Variants in RAD54L2 observed in about 807,000 individuals in gnomAD.
RAD54L2 encodes RAD54 like 2, also known as helicase ARIP4.
In RAD54L2, 27 loss-of-function variants were observed where a neutral mutation model predicts 138.4. The observed-to-expected ratio is 0.20, with a 90% confidence interval of 0.14 to 0.27. The LOEUF (loss-of-function observed/expected upper bound fraction) is 0.27. Among genes scored for constraint, RAD54L2 ranks in the 10% least tolerant of loss-of-function variants. The pLI, the probability that RAD54L2 is intolerant of heterozygous loss-of-function variation, is 1.00. For missense variants in RAD54L2, 1,396 were observed against 1,890.2 expected, an observed-to-expected ratio of 0.74 and a Z score of 4.85; for synonymous variants, 644 against 723.2, an observed-to-expected ratio of 0.89 and a Z score of 1.76.
chr3:51,607,847 C>T (rs1334974234), intron 3 of RAD54L2, among the ~76,000 whole-genome samples: 4 of 134,838 alleles, frequency 3.0e-5, no homozygotes, highest in African/African-American at 2.8e-5. Flanking sequence ...TGGGCAGAGG[C>T]GCCCCCCACC....
At chr3:51,658,860 A>G (rs527658521) in intron 21 of RAD54L2, among the ~76,000 whole-genome samples, 12 of 152,180 alleles carry the variant, frequency 7.9e-5, no homozygotes, top group African/African-American at 2.9e-4. Flanking sequence ...CTAGCCTGCT[A>G]CCTGTTATAA....
chr3:51,656,096 A>G lies in RAD54L2; in HGVS notation c.3152A>G (p.Asn1051Ser). The G allele has an allele frequency of 1.2e-6, 2 of 1,614,002 alleles. No individual in the cohort carries two copies. Residue 1051 changes from asparagine (N) to serine (S), a missense_variant, in exon 20 of 23, where the codon AAT becomes AGT. This residue lies in a region of RAD54L2 where 634 missense variants were observed against 711.2 expected (regional missense o/e 0.89). Transcript: ENST00000684192. ...AGTGTAAGCTCTGCCTCCAGCACAA[A>G]TCCATCCATGAACTTTCCCATCAAC... is the stretch of plus-strand genomic sequence containing the variant. ...GGSVSSASST[N>S]PSMNFPINYL...
Position 51,645,104 on chromosome 3 carries a change from C to T in RAD54L2, c.2531C>T (p.Ala844Val). ...FDASWNPCHD[A>V]QAVCRVYRYG... ...GCTTCCTGGAACCCTTGCCATGATG[C>T]CCAGGCAGTATGTCGGGTATACCGT... Residue 844 changes from alanine (A) to valine (V), a missense_variant, in exon 17 of 23, where the codon GCC becomes GTC. Physicochemically the swap from Ala to Val is moderately conservative, Grantham distance 64. Coordinates refer to ENST00000684192, the MANE Select transcript of RAD54L2 (RefSeq NM_015106.4). This position sits in a 1 kb window ranked among gnomAD's most constrained non-coding sequence, Gnocchi z 6.1. 1.2e-6 allele frequency: 2 copies of T among 1,613,962 alleles called. No individual in the cohort carries two copies. Among genetic ancestry groups the T allele is most frequent in the Non-Finnish European group, 1.7e-6 (2 of 1,179,890 alleles).
intron 2 of RAD54L2, among the ~76,000 whole-genome samples, chr3:51,547,574 C>CTTT (rs1224015910): frequency 7.5e-6 from 1 of 134,084 alleles, no homozygotes; most frequent in Non-Finnish European, 1.6e-5. Flanking sequence ...TTATAAAACA[C>CTTT]TTTTTTTTTT....
chr3:51,598,386 C>T (rs973952380), intron 3 of RAD54L2, among the ~76,000 whole-genome samples: 13 of 152,036 alleles, frequency 8.6e-5, no homozygotes, highest in Non-Finnish European at 1.9e-4. Context: ...GACCCTCATT[C>T]CAGAGAGGGT....
chr3:51,630,882 A>C lies in RAD54L2; in HGVS notation c.776A>C (p.Glu259Ala), dbSNP rs367696345. The change falls in exon 7 of 23, where the codon GAA becomes GCA. Residue 259 changes from glutamate (E) to alanine (A), a missense_variant. Physicochemically the swap from Glu to Ala is moderately radical, Grantham distance 107 (BLOSUM62 -1). Around this residue, in one of 7 missense-constraint regions of RAD54L2, gnomAD observed 256 missense variants for 344.6 expected, o/e 0.74. Transcript: ENST00000684192. ...LVNLNHPPEE[E>A]NVFLAPQLAR... is the part of the protein sequence containing the mutation. Reference sequence around the variant, plus strand: ...AACCTAAACCACCCTCCAGAGGAGGAAAATGTCTTCCTTGCCCCACAGTTG... The same window carrying C: ...AACCTAAACCACCCTCCAGAGGAGGCAAATGTCTTCCTTGCCCCACAGTTG... The C allele has an allele frequency of 2.1e-5, 34 of 1,613,830 alleles. No individual in the cohort carries two copies. The highest frequency in any genetic ancestry group is 2.8e-5 in the Non-Finnish European group (33 of 1,179,880).
At chr3:51,613,431 A>C (rs1372870946) in intron 3 of RAD54L2, among the ~76,000 whole-genome samples, 1 of 152,130 alleles carries the variant, frequency 6.6e-6, no homozygotes, top group Admixed American at 6.6e-5. Flanking sequence ...GCAGAGTCAA[A>C]ATTAATTCTG....
chr3:51,651,974 T>C (rs2106837760), intron 19 of RAD54L2, among the ~76,000 whole-genome samples: 1 of 152,228 alleles, frequency 6.6e-6, no homozygotes, highest in South Asian at 2.1e-4. Flanking sequence ...GGGTATTCAA[T>C]TAGGAAAAGA....
At chr3:51,548,719 C>G (rs1319230988) in intron 2 of RAD54L2, among the ~76,000 whole-genome samples, 3 of 152,114 alleles carry the variant, frequency 2.0e-5, no homozygotes, top group African/African-American at 7.2e-5. Flanking sequence ...ATGACAGTCA[C>G]CCCTTATTTC....
At chr3:51,583,606 T>TA (rs1364708485) in intron 2 of RAD54L2, among the ~76,000 whole-genome samples, 40 of 149,176 alleles carry the variant, frequency 2.7e-4, no homozygotes, top group South Asian at 2.3e-3. Flanking sequence ...TTTTTTTTTT[T>TA]AGTAGAGACG....
chr3:51,652,086 A>G (rs1281248739), intron 19 of RAD54L2, among the ~76,000 whole-genome samples: 1 of 152,260 alleles, frequency 6.6e-6, no homozygotes, highest in Non-Finnish European at 1.5e-5. Context: ...AACTTCAGCA[A>G]AGTCTCAGGG....
At chr3:51,624,052 C>T (rs1358608221) in intron 3 of RAD54L2, among the ~76,000 whole-genome samples, 1 of 149,826 alleles carries the variant, frequency 6.7e-6, no homozygotes, top group Non-Finnish European at 1.5e-5. Context: ...GAGCAAAAGT[C>T]TCGTAGAGTT....
chr3:51,583,012 A>G (rs996412399), intron 2 of RAD54L2, among the ~76,000 whole-genome samples: 3 of 152,076 alleles, frequency 2.0e-5, no homozygotes, highest in Admixed American at 1.3e-4. Flanking sequence ...TGATCTGCCC[A>G]CCTTGGCCTC....
At chr3:51,588,822 A>T (rs1699771832) in intron 2 of RAD54L2, among the ~76,000 whole-genome samples, 1 of 152,208 alleles carries the variant, frequency 6.6e-6, no homozygotes, top group Non-Finnish European at 1.5e-5. Flanking sequence ...TGAATGAATA[A>T]CTTGGGTAAA....
intron 2 of RAD54L2, among the ~76,000 whole-genome samples, chr3:51,556,265 A>G (rs1218210938): frequency 6.6e-6 from 1 of 151,404 alleles, no homozygotes; most frequent in African/African-American, 2.4e-5. Context: ...TTCCTTACCA[A>G]TTGCCTTTTT....
At position 51,638,860 on chromosome 3, in the gene RAD54L2, G is replaced by A. The variant is rs1701055829; in HGVS notation, c.1860+539G>A. ...GAAGGTATGTGTCTGGGGACAAGAG[G>A]GGTTTCCAAATATTTCTTTTATAGC... On this transcript the variant is annotated intron_variant, in intron 12 of 22. Coordinates refer to ENST00000684192, the MANE Select transcript of RAD54L2 (RefSeq NM_015106.4). The surrounding 1 kb of genome is among the most constrained non-coding windows in gnomAD (Gnocchi z 4.3). 6.3e-6 allele frequency: 1 copy of A among 158,482 alleles called. No individual in the cohort carries two copies. The highest frequency in any genetic ancestry group is 1.9e-4 in the South Asian group (1 of 5,314). 9.8% of individuals were successfully genotyped at this position (158,482 alleles called of 1,614,324 possible).
intron 3 of RAD54L2, among the ~76,000 whole-genome samples, chr3:51,606,878 C>T (rs1287467856): frequency 6.6e-6 from 1 of 151,808 alleles, no homozygotes; most frequent in African/African-American, 2.4e-5. Flanking sequence ...AACAGGGTTT[C>T]ATCATGTTGT....
intron 2 of RAD54L2, among the ~76,000 whole-genome samples, chr3:51,571,870 A>G (rs935023583): frequency 6.6e-6 from 1 of 152,010 alleles, no homozygotes; most frequent in Non-Finnish European, 1.5e-5. Context: ...ACTTTTGGAA[A>G]TAGAATTTTT....
intron 13 of RAD54L2, 58 bp downstream of exon 13, chr3:51,639,728 G>A (rs1701079631): frequency 6.3e-7 from 1 of 1,593,316 alleles, no homozygotes; most frequent in Admixed American, 1.8e-5. Context: ...GATGGTGCAA[G>A]CCCTGCCTGG....
Sources: allele counts gnomAD v4.1 joint callset (sites outside exome capture counted in the v4.1 genomes callset), GRCh38; gene constraint gnomAD v4.1.1; regional missense constraint gnomAD v4.1.1; non-coding constraint Gnocchi (gnomAD v3.1); transcripts MANE v1.5; gene names NCBI Gene and HGNC (gene_info 2026-07-23, HGNC 2026-07-21).